PGR: variants seen among roughly 807,000 people sequenced by gnomAD.
PGR encodes nuclear receptor subfamily 3 group C member 3.
PGR carries 25 observed loss-of-function variants against 76.1 expected under a neutral mutation model. The observed-to-expected ratio is 0.33, with a 90% CI of 0.24 to 0.46. PGR has a LOEUF of 0.46. Among genes scored for constraint, PGR ranks in the 20% least tolerant of loss-of-function variants. The pLI is 1.00. For synonymous variants in PGR, 579 were observed against 535.0 expected, an observed-to-expected ratio of 1.08 and a Z score of -1.14; for missense variants, 1,172 against 1,225.3, an observed-to-expected ratio of 0.96 and a Z score of 0.65.
intron 4 of PGR, among the ~76,000 whole-genome samples, chr11:101,057,315 A>G (rs1860331327): frequency 5.9e-5 from 9 of 152,132 alleles, no homozygotes; most frequent in Admixed American, 5.2e-4. Flanking sequence ...AGGAAAAATA[A>G]TATGGGCAAG....
At chr11:101,085,022 G>A (rs1452533669) in intron 3 of PGR, among the ~76,000 whole-genome samples, 1 of 152,156 alleles carries the variant, frequency 6.6e-6, no homozygotes, top group Non-Finnish European at 1.5e-5. Context: ...GATAGCATTA[G>A]ATCATCAAGG....
intron 2 of PGR, among the ~76,000 whole-genome samples, chr11:101,116,069 C>A (rs1862496516): frequency 6.6e-6 from 1 of 152,168 alleles, no homozygotes; most frequent in Admixed American, 6.5e-5. Flanking sequence ...TCAGATTTTG[C>A]TGCCAAACAA....
chr11:101,089,920 C>T (rs975627102), intron 3 of PGR, among the ~76,000 whole-genome samples: 29 of 152,200 alleles, frequency 1.9e-4, no homozygotes, highest in African/African-American at 6.5e-4. Context: ...TGCTAAAGGC[C>T]GGGTGCAGTG....
At chr11:101,078,285 GA>G (rs972455153) in intron 3 of PGR, among the ~76,000 whole-genome samples, 3 of 151,128 alleles carry the variant, frequency 2.0e-5, no homozygotes, top group Non-Finnish European at 4.4e-5. Context: ...GAAAATAATA[GA>G]AAAAAAGAAA....
In PGR at chr11:101,127,772, T is replaced by C. The variant is rs1417056400; in HGVS notation, c.1299A>G (p.Arg433=). The C allele has an allele frequency of 5.8e-6, 9 of 1,560,686 alleles. No individual in the cohort carries two copies. Among genetic ancestry groups the C allele is most frequent in the Non-Finnish European group, 7.7e-6 (9 of 1,162,590 alleles). The change falls in exon 1 of 8, where the codon AGA becomes AGG. Residue 433 remains arginine, a synonymous_variant. Coordinates refer to ENST00000325455, the MANE Select transcript of PGR (RefSeq NM_000926.4). ...CGGCCGTCACCGCCGCTTCCCCGGG[T>C]CTGGATGGGGTCGCTCGCGGCGGCA... ...PPLPPRATPS[R]PGEAAVTAAP... is the part of the protein sequence containing the mutation.
At position 101,031,075 on chromosome 11, in the gene PGR, G is replaced by T; in HGVS notation, c.*8041C>A. ...GCTGAGTGGAGGCTTAGCAGGCAGTGGTAAGCCATGGCTCTCCTGAAGGGG... is the reference window on the plus strand; with the variant it reads ...GCTGAGTGGAGGCTTAGCAGGCAGTTGTAAGCCATGGCTCTCCTGAAGGGG... On this transcript the variant is annotated 3_prime_UTR_variant, in exon 8 of 8. Transcript: ENST00000325455. 5.1e-6 allele frequency: 1 copy of T among 196,490 alleles called. No individual in the cohort carries two copies. The highest frequency in any genetic ancestry group is 1.1e-5 in the Non-Finnish European group (1 of 94,648). 12.2% of individuals were successfully genotyped at this position (196,490 alleles called of 1,614,324 possible).
At chr11:101,067,715 A>G (rs1289406798) in intron 3 of PGR, among the ~76,000 whole-genome samples, 1 of 152,198 alleles carries the variant, frequency 6.6e-6, no homozygotes, top group Middle Eastern at 3.2e-3. Flanking sequence ...GTACATGTCA[A>G]TACATGAGAA....
At chr11:101,096,554 C>A (rs1861839579) in intron 2 of PGR, among the ~76,000 whole-genome samples, 1 of 152,128 alleles carries the variant, frequency 6.6e-6, no homozygotes, top group South Asian at 2.1e-4. Flanking sequence ...GCAATGAATG[C>A]AGTGGGAGCC....
intron 3 of PGR, among the ~76,000 whole-genome samples, chr11:101,090,302 G>A (rs1005394802): frequency 7.2e-5 from 11 of 152,148 alleles, no homozygotes; most frequent in African/African-American, 1.9e-4. Context: ...CCAGAACTCC[G>A]CCATTTTCAT....
intron 2 of PGR, among the ~76,000 whole-genome samples, chr11:101,107,018 C>G (rs1179194730): frequency 6.6e-6 from 1 of 152,052 alleles, no homozygotes; most frequent in Non-Finnish European, 1.5e-5. Flanking sequence ...GCAATGAGAA[C>G]ACATGGACTT....
rs1008970443 is a variant in PGR, at chr11:101,033,288, C to G, written c.*5828G>C. 3 of 205,214 alleles carry G rather than the reference C, an allele frequency of 1.5e-5. No individual in the cohort carries two copies. In the South Asian group the frequency reaches 5.7e-4, roughly 39 times the overall value. 12.7% of individuals were successfully genotyped at this position (205,214 alleles called of 1,614,324 possible). Reference sequence around the variant, plus strand: ...GAAAGTATTTCTACCTTATGGAGAACAAGCAGAGCCACATCTCTGTTTCAA... The same window carrying G: ...GAAAGTATTTCTACCTTATGGAGAAGAAGCAGAGCCACATCTCTGTTTCAA... On this transcript the variant is annotated 3_prime_UTR_variant, in exon 8 of 8. Coordinates refer to ENST00000325455, the MANE Select transcript of PGR (RefSeq NM_000926.4).
chr11:101,113,744 A>C (rs556501324), intron 2 of PGR, among the ~76,000 whole-genome samples: 1 of 152,328 alleles, frequency 6.6e-6, no homozygotes, highest in African/African-American at 2.4e-5. Flanking sequence ...CAAGTTTGCT[A>C]TCAGGCACTA....
chr11:101,077,010 T>C (rs1444192392), intron 3 of PGR, among the ~76,000 whole-genome samples: 1 of 149,616 alleles, frequency 6.7e-6, no homozygotes, highest in African/African-American at 2.4e-5. Flanking sequence ...TTTGCTACCT[T>C]GGTCAAGTTT....
chr11:101,088,487 A>G (rs1231678347), intron 3 of PGR, among the ~76,000 whole-genome samples: 2 of 152,074 alleles, frequency 1.3e-5, no homozygotes, highest in Non-Finnish European at 2.9e-5. Flanking sequence ...GCCTGCCACC[A>G]TGCCTGGCTA....
rs116795889 is a variant in PGR, at chr11:101,090,220, A to G, written c.1906+1540T>C. 2.1e-3 allele frequency among the ~76,000 whole-genome samples: 320 copies of G among 150,538 alleles called. 1 individual carries two copies. The highest frequency in any genetic ancestry group is 7.2e-3 in the African/African-American group (292 of 40,606). The stretch of plus-strand genomic sequence containing the variant: ...CTCAAAAATAAATAAATAAAGCCCT[A>G]GAATATTAAAAGATAACATAAATTT... On this transcript the variant is annotated intron_variant, in intron 3 of 7. Transcript: ENST00000325455.
At chr11:101,122,711 ATTTC>A (rs1331506379) in intron 2 of PGR, among the ~76,000 whole-genome samples, 1 of 152,002 alleles carries the variant, frequency 6.6e-6, no homozygotes, top group Non-Finnish European at 1.5e-5. Flanking sequence ...GTGGTATCTT[ATTTC>A]TTTATCTCTT....
At chr11:101,092,685 G>A (rs1292119967) in intron 2 of PGR, among the ~76,000 whole-genome samples, 4 of 152,062 alleles carry the variant, frequency 2.6e-5, no homozygotes, top group Middle Eastern at 3.4e-3. Flanking sequence ...AATAAGGCAC[G>A]GAACAATCTA....
rs1181450031 is a variant in PGR at position 101,041,986 on chromosome 11, G to A, written c.2605C>T (p.Arg869Cys). 1 of 1,613,448 alleles carries A rather than the reference G, an allele frequency of 6.2e-7. No individual in the cohort carries two copies. The highest frequency in any genetic ancestry group is 8.5e-7 in the Non-Finnish European group (1 of 1,179,586). Reference sequence around the variant, plus strand: ...AGAAGTTTTGTAAGTTGATAGAAACGCTGTGAGCTCGACACAACTCCTTTT... The same window carrying A: ...AGAAGTTTTGTAAGTTGATAGAAACACTGTGAGCTCGACACAACTCCTTTT... ...RQKGVVSSSQRFYQLTKLLDN... is the reference protein window; with the variant it reads ...RQKGVVSSSQCFYQLTKLLDN... The change falls in exon 7 of 8, where the codon CGT becomes TGT. Residue 869 changes from arginine to cysteine, a missense_variant. Arg to Cys is a radical substitution (Grantham distance 180). Transcript: ENST00000325455.
intron 4 of PGR, among the ~76,000 whole-genome samples, chr11:101,057,134 G>A (rs1233626005): frequency 6.6e-6 from 1 of 152,196 alleles, no homozygotes; most frequent in Non-Finnish European, 1.5e-5. Context: ...CAGAGTCATA[G>A]TGTTATGGTT....
Sources: gnomAD v4.1 joint callset for allele counts (sites outside exome capture counted in the v4.1 genomes callset) on GRCh38, gnomAD v4.1.1 for gene constraint, MANE v1.5 for transcripts, NCBI Gene and HGNC (gene_info 2026-07-23, HGNC 2026-07-21) for gene names.